Variants in KNL1 observed in about 807,000 individuals in gnomAD.
KNL1 encodes the protein kinetochore scaffold 1, also known as outer kinetochore KNL1 complex subunit KNL1.
Under a neutral mutation model 201.3 loss-of-function variants are expected in KNL1, and 66 were observed. That is an observed-to-expected ratio of 0.33 (90% CI 0.27 to 0.40). The LOEUF is 0.40. Ranked by LOEUF, KNL1 falls within the 10% of genes least tolerant of loss-of-function variation. KNL1 has a pLI of 1.00. For missense variants in KNL1, 2,815 were observed against 2,690.5 expected, an observed-to-expected ratio of 1.05 and a Z score of -1.02; for synonymous variants, 895 against 899.2, an observed-to-expected ratio of 1.00 and a Z score of 0.08.
Position 40,628,344 on chromosome 15 carries a change from ATTTAG to A in KNL1, c.5515+141_5515+145del. The A allele has an allele frequency of 3.5e-6, 3 of 852,880 alleles. No homozygotes were observed. The East Asian group carries it at 8.2e-5, about 23-fold the overall frequency. The allele number at this position is 852,880 out of a possible 1,614,324, so 52.8% of individuals were successfully genotyped here. A position where few individuals can be genotyped will look rare whatever the true frequency, so the allele number is the denominator to read the frequency against. ...ATAAAAAGTTGATCAGTAAAATAAT[ATTTAG>A]TTTATTTTTAATTCTTAGTTTGTAA... On this transcript the variant is annotated intron_variant, in intron 11 of 25. Transcript: ENST00000399668.
rs555063857 is a variant in KNL1 at position 40,619,477 on chromosome 15, T to C, written c.375+466T>C. 6.6e-5 allele frequency among the ~76,000 whole-genome samples: 10 copies of C among 152,024 alleles called. No individual in the cohort carries two copies. The South Asian group carries it at 2.1e-3, about 32-fold the overall frequency. On this transcript the variant is annotated intron_variant, in intron 9 of 25. Transcript: ENST00000399668. ...AGTGCAGTGGCACAATCTTGGCTCA[T>C]TGCAGCCTCAATCTTCTGGGCTGAA...
At chr15:40,634,140 C>G (rs1450979076) in intron 13 of KNL1, among the ~76,000 whole-genome samples, 1 of 152,086 alleles carries the variant, frequency 6.6e-6, no homozygotes, top group African/African-American at 2.4e-5. Context: ...GAGTTTCTCT[C>G]TTACTGCCCA....
intron 3 of KNL1, among the ~76,000 whole-genome samples, chr15:40,606,159 C>G (rs1233873996): frequency 6.6e-6 from 1 of 152,154 alleles, no homozygotes; most frequent in Non-Finnish European, 1.5e-5. Context: ...GGCATTCACT[C>G]AGACCATGTG....
At chr15:40,656,632 TC>T (rs1231599658) in intron 22 of KNL1, among the ~76,000 whole-genome samples, 10 of 152,276 alleles carry the variant, frequency 6.6e-5, no homozygotes, top group Middle Eastern at 3.4e-3. Context: ...ATGCCTGTAA[TC>T]CCAGCACTTT....
At chr15:40,632,601 CA>C (rs201326648) in intron 13 of KNL1, among the ~76,000 whole-genome samples, 1 of 148,184 alleles carries the variant, frequency 6.7e-6, no homozygotes, top group Non-Finnish European at 1.5e-5. Flanking sequence ...GACCCTGTCT[CA>C]AAAAAAAACG....
Position 40,606,472 on chromosome 15 carries a change from A to C in KNL1, c.135+20A>C. 1 of 1,307,422 alleles carries C rather than the reference A, an allele frequency of 7.6e-7. No individual in the cohort carries two copies. The highest frequency in any genetic ancestry group is 1.1e-6 in the Non-Finnish European group (1 of 908,704). 81.0% of individuals were successfully genotyped at this position (1,307,422 alleles called of 1,614,324 possible). On this transcript the variant is annotated intron_variant, in intron 4 of 25. Coordinates refer to ENST00000399668, the MANE Select transcript of KNL1 (RefSeq NM_144508.5). ...GTTCAGGTAAGTCTTTTGTGCAAAT[A>C]CTTTATAGATGACTATTTTCAGTTA... is the stretch of plus-strand genomic sequence containing the variant.
intron 13 of KNL1, among the ~76,000 whole-genome samples, chr15:40,631,655 G>T (rs1892914899): frequency 6.6e-6 from 1 of 151,952 alleles, no homozygotes; most frequent in Admixed American, 6.6e-5. Context: ...AAGATAGGAA[G>T]ATAGAATTAA....
intron 1 of KNL1, among the ~76,000 whole-genome samples, chr15:40,598,269 A>G (rs1891679599): frequency 6.6e-6 from 1 of 152,078 alleles, no homozygotes; most frequent in Admixed American, 6.6e-5. Context: ...TTAATTACTC[A>G]TTCAGCAAAT....
chr15:40,655,452 G>A lies in KNL1; in HGVS notation c.6484+475G>A, dbSNP rs149783830. Reference sequence around the variant, plus strand: ...CTAAAAATACAGAAATTAGTTGGGCGCGGTGATGGGTGCCTGTAATCCCAG... The same window carrying A: ...CTAAAAATACAGAAATTAGTTGGGCACGGTGATGGGTGCCTGTAATCCCAG... On this transcript the variant is annotated intron_variant, in intron 22 of 25. Transcript: ENST00000399668. Among the ~76,000 whole-genome samples, 354 of 151,874 alleles carry A rather than the reference G, an allele frequency of 2.3e-3. 3 individuals carry two copies. Among genetic ancestry groups the A allele is most frequent in the African/African-American group, 8.3e-3 (343 of 41,402 alleles).
rs755977312 is a variant in KNL1, at chr15:40,625,561, A to G, written c.5297A>G (p.Gln1766Arg). Residue 1766 changes from glutamine (Q) to arginine (R), a missense_variant, in exon 10 of 26, where the codon CAA (glutamine) becomes CGA (arginine). Gln to Arg is a conservative substitution (Grantham distance 43, BLOSUM62 1). Transcript: ENST00000399668. ...TCNSQKRTWV[Q>R]EEEDIHKEKK... ...AATAGCCAAAAAAGAACGTGGGTAC[A>G]AGAAGAAGAAGATATTCATAAGGAG... The G allele has an allele frequency of 2.5e-6, 4 of 1,601,606 alleles. No homozygotes were observed. The highest frequency in any genetic ancestry group is 3.4e-6 in the Non-Finnish European group (4 of 1,174,738).
chr15:40,608,804 A>T (rs1205991065), intron 4 of KNL1, 43 bp from the exon 5 acceptor site: 10 of 1,380,660 alleles, frequency 7.2e-6, no homozygotes, highest in African/African-American at 2.9e-5. Flanking sequence ...TGTAATTCAC[A>T]GTGATTTTAT....
At chr15:40,660,012 G>A (rs1249517620) in intron 25 of KNL1, among the ~76,000 whole-genome samples, 2 of 151,766 alleles carry the variant, frequency 1.3e-5, no homozygotes, top group Non-Finnish European at 2.9e-5. Context: ...CTGGGTTCAA[G>A]TGATTCTCCA....
chr15:40,612,720 T>C (rs1399943800), intron 7 of KNL1, among the ~76,000 whole-genome samples: 1 of 152,028 alleles, frequency 6.6e-6, no homozygotes, highest in Non-Finnish European at 1.5e-5. Context: ...GGTTTCACCA[T>C]GTTGGCCAGA....
chr15:40,602,648 A>T (rs1003902878), intron 1 of KNL1, among the ~76,000 whole-genome samples: 1 of 151,212 alleles, frequency 6.6e-6, no homozygotes, highest in Middle Eastern at 3.4e-3. Flanking sequence ...CACCACGCCC[A>T]GCTAATTTTG....
chr15:40,599,786 T>C (rs1261773738), intron 1 of KNL1, among the ~76,000 whole-genome samples: 1 of 137,442 alleles, frequency 7.3e-6, no homozygotes, highest in Non-Finnish European at 1.5e-5. Context: ...AAACCGATTA[T>C]GTATTCCTTT....
At chr15:40,606,948 A>G (rs1261256085) in intron 4 of KNL1, among the ~76,000 whole-genome samples, 1 of 152,154 alleles carries the variant, frequency 6.6e-6, no homozygotes, top group Non-Finnish European at 1.5e-5. Flanking sequence ...TTATAGAGAC[A>G]GGATTTCGCC....
intron 2 of KNL1, among the ~76,000 whole-genome samples, chr15:40,603,302 T>A (rs1365869473): frequency 6.6e-6 from 1 of 152,194 alleles, no homozygotes; most frequent in Non-Finnish European, 1.5e-5. Flanking sequence ...GTGATCTCAT[T>A]GTTCAATTTC....
chr15:40,624,283 C>T lies in KNL1; in HGVS notation c.4019C>T (p.Ala1340Val). ...ANYCPVQNDL[A>V]YANDFASEYY... Reference sequence around the variant, plus strand: ...TATTGCCCAGTGCAAAATGATCTTGCTTATGCAAATGATTTTGCCAGTGAA... The same window carrying T: ...TATTGCCCAGTGCAAAATGATCTTGTTTATGCAAATGATTTTGCCAGTGAA... The change falls in exon 10 of 26, where the codon GCT (alanine) becomes GTT (valine). Residue 1340 changes from alanine (A) to valine (V), a missense_variant. Ala to Val is a moderately conservative substitution (Grantham distance 64, BLOSUM62 0). This residue lies in a region of KNL1 where 2,464 missense variants were observed against 2,291.7 expected (regional missense o/e 1.08). Transcript: ENST00000399668. 6.2e-7 allele frequency: 1 copy of T among 1,613,994 alleles called. No individual in the cohort carries two copies.
intron 6 of KNL1, 34 bp from the exon 7 acceptor site, chr15:40,611,444 C>T (rs1892158220): frequency 4.6e-6 from 1 of 218,462 alleles, no homozygotes; most frequent in African/African-American, 2.4e-5. Flanking sequence ...ATCAGTGTAT[C>T]CTTGGACAAA....
Sources: allele counts gnomAD v4.1 joint callset (sites outside exome capture counted in the v4.1 genomes callset), GRCh38; gene constraint gnomAD v4.1.1; regional missense constraint gnomAD v4.1.1; transcripts MANE v1.5; gene names NCBI Gene and HGNC (gene_info 2026-07-23, HGNC 2026-07-21).